ATP8B2: variants seen among roughly 807,000 people sequenced by gnomAD.
The protein encoded by ATP8B2 is phospholipid-transporting ATPase ID.
Under a neutral mutation model 133.4 loss-of-function variants are expected in ATP8B2, and 70 were observed. The ratio of observed to expected loss-of-function variants is 0.52; its 90% CI spans 0.43 to 0.64. The LOEUF is 0.64. Among genes scored for constraint, ATP8B2 ranks in the 30% least tolerant of loss-of-function variants. ATP8B2 has a pLI of 0.00. For synonymous variants in ATP8B2, 517 were observed against 589.5 expected, an observed-to-expected ratio of 0.88 and a Z score of 1.78; for missense variants, 1,101 against 1,535.7, an observed-to-expected ratio of 0.72 and a Z score of 4.73.
At position 154,337,815 on chromosome 1, in the gene ATP8B2, G is replaced by C; in HGVS notation, c.1034+271G>C. ...CTACTGTGTACAAAGAAGTGTGCTA[G>C]GTGCCATCACAAATAAAAGATGAAT... On this transcript the variant is annotated intron_variant, in intron 12 of 27. Coordinates refer to ENST00000368489, the MANE Select transcript of ATP8B2 (RefSeq NM_001370597.1). The C allele has an allele frequency of 3.1e-6, 4 of 1,273,836 alleles. No individual in the cohort carries two copies. In the South Asian group the frequency reaches 7.0e-5, roughly 22 times the overall value. The allele number at this position is 1,273,836 out of a possible 1,614,324, so 78.9% of individuals were successfully genotyped here. A position where few individuals can be genotyped will look rare whatever the true frequency, so the allele number is the denominator to read the frequency against.
rs1464734750 is a variant in ATP8B2 at position 154,331,752 on chromosome 1, A to G, written c.438+74A>G. The stretch of plus-strand genomic sequence containing the variant: ...GTGAGAAAAGGATGAATCTTTCCTG[A>G]TTTACTGTTGCCTCTTAAACACCCG... On this transcript the variant is annotated intron_variant, in intron 7 of 27. Coordinates refer to ENST00000368489, the MANE Select transcript of ATP8B2 (RefSeq NM_001370597.1). This position sits in a 1 kb window ranked among gnomAD's most constrained non-coding sequence, Gnocchi z 4.8. The G allele has an allele frequency of 6.6e-7, 1 of 1,513,236 alleles. No individual in the cohort carries two copies. Among genetic ancestry groups the G allele is most frequent in the Middle Eastern group, 1.8e-4 (1 of 5,674 alleles). 93.7% of individuals were successfully genotyped at this position (1,513,236 alleles called of 1,614,324 possible).
At chr1:154,342,727 G>A in intron 14 of ATP8B2, 69 bp from the exon 15 acceptor site, 2 of 1,564,692 alleles carry the variant, frequency 1.3e-6, no homozygotes, top group Non-Finnish European at 1.7e-6. Flanking sequence ...GGGAGGGCAG[G>A]GATGAACCCT....
At chr1:154,338,715 T>C (rs1686279984) in intron 12 of ATP8B2, 1 of 152,202 alleles carries the variant, frequency 6.6e-6, no homozygotes, top group Admixed American at 6.5e-5. Flanking sequence ...GTCAAAAGAA[T>C]GTATTCTGTA....
chr1:154,333,107 C>G (rs919939919), intron 9 of ATP8B2, among the ~76,000 whole-genome samples: 1 of 152,034 alleles, frequency 6.6e-6, no homozygotes, highest in Non-Finnish European at 1.5e-5. Context: ...GCCAGGAGTT[C>G]GAGACCAGTC....
At position 154,345,350 on chromosome 1, in the gene ATP8B2, G is replaced by T. The variant is rs539120418; in HGVS notation, c.2499G>T (p.Gly833=). The T allele has an allele frequency of 5.6e-6, 9 of 1,614,030 alleles. No individual in the cohort carries two copies. Among genetic ancestry groups the T allele is most frequent in the Non-Finnish European group, 6.8e-6 (8 of 1,180,046 alleles). The change falls in exon 23 of 28, where the codon GGG becomes GGT. Residue 833 remains glycine, a synonymous_variant. Transcript: ENST00000368489. The surrounding 1 kb of genome is among the most constrained non-coding windows in gnomAD (Gnocchi z 5.6). ...CTCACATTGGTGTGGGGATCAGTGGGCAGGAAGGGATCCAGGCTGTCTTGG... is the reference window on the plus strand; with the variant it reads ...CTCACATTGGTGTGGGGATCAGTGGTCAGGAAGGGATCCAGGCTGTCTTGG... ...KTAHIGVGIS[G]QEGIQAVLAS...
In ATP8B2 at chr1:154,328,712, C is replaced by G; in HGVS notation, c.31+540C>G. 1.2e-6 allele frequency: 1 copy of G among 867,056 alleles called. No individual in the cohort carries two copies. Among genetic ancestry groups the G allele is most frequent in the Non-Finnish European group, 1.4e-6 (1 of 721,140 alleles). 53.7% of individuals were successfully genotyped at this position (867,056 alleles called of 1,614,324 possible). A position where few individuals can be genotyped will look rare whatever the true frequency, so the allele number is the denominator to read the frequency against. ...GTCGGGGAGCGGGCGGGGGCGGAAC[C>G]CTGGGCGTGCTCGGCGTGTCCGGGG... On this transcript the variant is annotated intron_variant, in intron 2 of 27. Coordinates refer to ENST00000368489, the MANE Select transcript of ATP8B2 (RefSeq NM_001370597.1). This position sits in a 1 kb window ranked among gnomAD's most constrained non-coding sequence, Gnocchi z 4.6.
In ATP8B2 at chr1:154,330,716, G is replaced by A. The variant is rs367919166; in HGVS notation, c.91-99G>A. On this transcript the variant is annotated intron_variant, in intron 3 of 27. Transcript: ENST00000368489. ...ACACCTGTGTTTGCTAGCTTTTGGG[G>A]TAGAGGTCTGGGGAAGTATAAAGAT... 3,736 of 1,039,938 alleles carry A rather than the reference G, an allele frequency of 3.6e-3. 129 individuals are homozygous for A. In the South Asian group the frequency reaches 0.05, roughly 14 times the overall value. The allele number at this position is 1,039,938 out of a possible 1,614,324, so 64.4% of individuals were successfully genotyped here.
At position 154,334,970 on chromosome 1, in the gene ATP8B2, C is replaced by T. The variant is rs546159622; in HGVS notation, c.837+379C>T. Among the ~76,000 whole-genome samples the T allele has an allele frequency of 1.3e-5, 2 of 152,162 alleles. No homozygotes were observed. The highest frequency in any genetic ancestry group is 1.5e-5 in the Non-Finnish European group (1 of 68,002). On this transcript the variant is annotated intron_variant, in intron 11 of 27. Transcript: ENST00000368489. The surrounding 1 kb of genome is among the most constrained non-coding windows in gnomAD (Gnocchi z 4.6). ...TGGAAGAGGTTGGCAGGGTCTTTTC[C>T]CCCCAACTTCTAAGAACGAAGGATC...
rs1222775708 is a variant in ATP8B2 at position 154,328,901 on chromosome 1, C to G, written c.31+729C>G. The G allele has an allele frequency of 6.3e-6, 8 of 1,276,396 alleles. No individual in the cohort carries two copies. Among genetic ancestry groups the G allele is most frequent in the Non-Finnish European group, 7.2e-6 (7 of 977,456 alleles). The allele number at this position is 1,276,396 out of a possible 1,614,324, so 79.1% of individuals were successfully genotyped here. A position where few individuals can be genotyped will look rare whatever the true frequency, so the allele number is the denominator to read the frequency against. Reference sequence around the variant, plus strand: ...GCTCCCCTCTGAGCGGCTGCGGCTCCTGCACCTCCCCGGGGAGCCGCCCCG... The same window carrying G: ...GCTCCCCTCTGAGCGGCTGCGGCTCGTGCACCTCCCCGGGGAGCCGCCCCG... On this transcript the variant is annotated intron_variant, in intron 2 of 27. Coordinates refer to ENST00000368489, the MANE Select transcript of ATP8B2 (RefSeq NM_001370597.1). This position sits in a 1 kb window ranked among gnomAD's most constrained non-coding sequence, Gnocchi z 4.6.
Position 154,337,521 on chromosome 1 carries a change from T to C in ATP8B2, c.1011T>C (p.Val337=). The change falls in exon 12 of 28, where the codon GTT becomes GTC. Residue 337 remains valine, a synonymous_variant. Coordinates refer to ENST00000368489, the MANE Select transcript of ATP8B2 (RefSeq NM_001370597.1). The part of the protein sequence containing the change: ...FWSYIIILNT[V]VPISLYVSVE... ...CCTACATCATCATCCTCAACACCGT[T>C]GTGCCCATTTCACTCTATGTCAGGT... 1.2e-6 allele frequency: 2 copies of C among 1,614,226 alleles called. No individual in the cohort carries two copies. The highest frequency in any genetic ancestry group is 1.7e-6 in the Non-Finnish European group (2 of 1,180,034).
At position 154,344,804 on chromosome 1, in the gene ATP8B2, A is replaced by T. The variant is rs191940835; in HGVS notation, c.2286+19A>T. The stretch of plus-strand genomic sequence containing the variant: ...CAGCCTGGTAGGCATCGCTATCCTT[A>T]GCTTGGGCAGTATCTTTCCAGTGAG... On this transcript the variant is annotated intron_variant, in intron 21 of 27. Transcript: ENST00000368489. This position sits in a 1 kb window ranked among gnomAD's most constrained non-coding sequence, Gnocchi z 4.1. 2 of 1,585,894 alleles carry T rather than the reference A, an allele frequency of 1.3e-6. No individual in the cohort carries two copies. Among genetic ancestry groups the T allele is most frequent in the African/African-American group, 2.7e-5 (2 of 74,434 alleles).
At position 154,344,287 on chromosome 1, in the gene ATP8B2, C is replaced by T. The variant is rs1686502592; in HGVS notation, c.2035+33C>T. ...CCCAGCAGGGCAGAGCCAGTTGCAA[C>T]TGACAGTAGCCCTGTTGGACCCTTG... On this transcript the variant is annotated intron_variant, in intron 19 of 27. Transcript: ENST00000368489. The surrounding 1 kb of genome is among the most constrained non-coding windows in gnomAD (Gnocchi z 4.1). The T allele has an allele frequency of 6.8e-6, 11 of 1,614,194 alleles. No homozygotes were observed. The highest frequency in any genetic ancestry group is 9.3e-6 in the Non-Finnish European group (11 of 1,180,018).
At position 154,345,484 on chromosome 1, in the gene ATP8B2, A is replaced by G; in HGVS notation, c.2633A>G (p.Lys878Arg). Residue 878 changes from lysine (K) to arginine (R), a missense_variant, in exon 23 of 28, where the codon AAA (lysine) becomes AGA (arginine). Transcript: ENST00000368489. This position sits in a 1 kb window ranked among gnomAD's most constrained non-coding sequence, Gnocchi z 5.6. ...MCKFLCYFFY[K>R]NFAFTMVHFW... Reference sequence around the variant, plus strand: ...AAGTTTCTTTGCTATTTCTTCTACAAAAACTTTGCTTTCACCATGGTCCAC... The same window carrying G: ...AAGTTTCTTTGCTATTTCTTCTACAGAAACTTTGCTTTCACCATGGTCCAC... 1.9e-6 allele frequency: 3 copies of G among 1,614,178 alleles called. No homozygotes were observed. The highest frequency in any genetic ancestry group is 2.5e-6 in the Non-Finnish European group (3 of 1,180,034).
intron 14 of ATP8B2, 60 bp from the exon 15 acceptor site, chr1:154,342,736 C>A: frequency 1.3e-6 from 2 of 1,580,402 alleles, no homozygotes; most frequent in Non-Finnish European, 1.7e-6. Context: ...GGGATGAACC[C>A]TTCCCCGGGA....
At position 154,346,321 on chromosome 1, in the gene ATP8B2, T is replaced by C. The variant is rs769697140; in HGVS notation, c.2869T>C (p.Cys957Arg). 1 of 1,613,912 alleles carries C rather than the reference T, an allele frequency of 6.2e-7. No individual in the cohort carries two copies. Among genetic ancestry groups the C allele is most frequent in the Admixed American group, 1.7e-5 (1 of 60,010 alleles). Residue 957 changes from cysteine to arginine, a missense_variant, in exon 25 of 28, where the codon TGC becomes CGC. By Grantham distance (180) the Cys-to-Arg change is radical. Transcript: ENST00000368489. The surrounding 1 kb of genome is among the most constrained non-coding windows in gnomAD (Gnocchi z 4.5). ...CTTCAACAAGCGGGAGTTCTTCATC[T>C]GCATCGCCCAGGGCATCTACACCTC... ...LLFNKREFFI[C>R]IAQGIYTSVL...
chr1:154,330,244 G>A (rs963853093), intron 2 of ATP8B2, 152 bp from the exon 3 acceptor site: 7 of 632,258 alleles, frequency 1.1e-5, no homozygotes, highest in African/African-American at 9.2e-5. Flanking sequence ...GCTGGTGAGA[G>A]GTGGACTGGA....
chr1:154,349,518 T>G lies in ATP8B2; in HGVS notation c.*400T>G. On this transcript the variant is annotated 3_prime_UTR_variant, in exon 28 of 28. Transcript: ENST00000368489. ...GGGCCCTAGTGCCTCTGTTCCTGAA[T>G]TACATAAGAATGTACCATGCCGGGA... 4.8e-6 allele frequency: 1 copy of G among 206,962 alleles called. No homozygotes were observed. Among genetic ancestry groups the G allele is most frequent in the African/African-American group, 2.3e-5 (1 of 44,436 alleles). 12.8% of individuals were successfully genotyped at this position (206,962 alleles called of 1,614,324 possible). A position where few individuals can be genotyped will look rare whatever the true frequency, so the allele number is the denominator to read the frequency against.
intron 27 of ATP8B2, 98 bp from the exon 28 acceptor site, chr1:154,348,742 C>A (rs112342972): frequency 1.4e-6 from 2 of 1,422,010 alleles, no homozygotes; most frequent in Non-Finnish European, 1.9e-6. Context: ...TCGGAGGCCT[C>A]TGTGTCAGCC....
chr1:154,350,148 A>AC lies in ATP8B2; in HGVS notation c.*1031dup, dbSNP rs986589012. On this transcript the variant is annotated 3_prime_UTR_variant, in exon 28 of 28. Coordinates refer to ENST00000368489, the MANE Select transcript of ATP8B2 (RefSeq NM_001370597.1). ...GAGTGCAATGGCACAATCTCAGCTC[A>AC]CTGCAACCTCCACCTCCTGGGTTCA... The AC allele has an allele frequency of 2.7e-5, 4 of 150,158 alleles. No individual in the cohort carries two copies. The Admixed American group carries it at 2.7e-4, about 10-fold the overall frequency. 9.3% of individuals were successfully genotyped at this position (150,158 alleles called of 1,614,324 possible).
Sources: gnomAD v4.1 joint callset for allele counts (sites outside exome capture counted in the v4.1 genomes callset) on GRCh38, gnomAD v4.1.1 for gene constraint, Gnocchi (gnomAD v3.1) non-coding constraint, MANE v1.5 for transcripts, NCBI Gene and HGNC (gene_info 2026-07-23, HGNC 2026-07-21) for gene names.